ASIC2: variants seen among roughly 807,000 people sequenced by gnomAD.
The protein encoded by ASIC2 is acid-sensing ion channel 2.
A neutral mutation model predicts 57.3 loss-of-function variants in ASIC2; 25 were observed. The observed-to-expected ratio is 0.44, with a 90% CI of 0.32 to 0.61. The LOEUF (loss-of-function observed/expected upper bound fraction) is 0.61. Ranked by LOEUF, ASIC2 falls within the 20% of genes least tolerant of loss-of-function variation. ASIC2 has a pLI of 0.06. For missense variants in ASIC2, 641 were observed against 738.1 expected (o/e 0.87, Z 1.52); for synonymous variants, 319 against 307.5 (o/e 1.04, Z -0.39).
intron 1 of ASIC2, among the ~76,000 whole-genome samples, chr17:33,669,353 C>T (rs183099768): frequency 4.5e-4 from 68 of 152,282 alleles, no homozygotes; most frequent in Middle Eastern, 3.4e-3. Context: ...CTCATTTTCA[C>T]ATGAGCAAAG....
At chr17:33,114,011 A>G (rs1355117652) in intron 1 of ASIC2, among the ~76,000 whole-genome samples, 1 of 152,178 alleles carries the variant, frequency 6.6e-6, no homozygotes, top group Non-Finnish European at 1.5e-5. Context: ...TATTCCTACT[A>G]TGTGCAAGGA....
chr17:33,951,471 C>A (rs1351290753), intron 1 of ASIC2, among the ~76,000 whole-genome samples: 4 of 152,174 alleles, frequency 2.6e-5, no homozygotes, highest in Non-Finnish European at 5.9e-5. Flanking sequence ...GGCCAATTTC[C>A]ATTTTCAGCT....
chr17:33,093,430 G>A (rs2092165398), intron 2 of ASIC2, among the ~76,000 whole-genome samples: 1 of 142,856 alleles, frequency 7.0e-6, no homozygotes, highest in East Asian at 1.9e-4. Context: ...AGGACAGAAA[G>A]AGAGAGAGAG....
chr17:34,027,987 C>T (rs191405102), intron 1 of ASIC2, among the ~76,000 whole-genome samples: 77 of 152,318 alleles, frequency 5.1e-4, no homozygotes, highest in Admixed American at 4.9e-3. Context: ...ATCTTACAGA[C>T]AGCCCAGGGC....
intron 1 of ASIC2, among the ~76,000 whole-genome samples, chr17:33,433,609 G>T (rs55970441): frequency 0.35 from 52,854 of 151,834 alleles, 9,276 homozygotes; most frequent in Middle Eastern, 0.43. Flanking sequence ...AATTAGTGGG[G>T]CGTGGTGGTG....
chr17:33,700,526 C>T (rs939513325), intron 1 of ASIC2, among the ~76,000 whole-genome samples: 2 of 152,132 alleles, frequency 1.3e-5, no homozygotes, highest in Admixed American at 6.5e-5. Context: ...CAAGAGCCCC[C>T]AGTGCTTCAG....
chr17:34,021,104 G>T (rs147346355), intron 1 of ASIC2, among the ~76,000 whole-genome samples: 2 of 152,054 alleles, frequency 1.3e-5, no homozygotes, highest in African/African-American at 4.8e-5. Context: ...GGCTGGGAGG[G>T]TGTCAAGGGA....
rs139866494 is a variant in ASIC2 at position 33,446,411 on chromosome 17, C to T, written c.556-334344G>A. ...CAGCCTCTGTGGCTCATTTCTATAG[C>T]AAAGATACAAGAATCCTCAGGCCAT... On this transcript the variant is annotated intron_variant, in intron 1 of 9. Transcript: ENST00000359872. 2.7e-4 allele frequency among the ~76,000 whole-genome samples: 41 copies of T among 152,196 alleles called. No individual in the cohort carries two copies. The East Asian group carries it at 6.8e-3, about 25-fold the overall frequency.
intron 1 of ASIC2, among the ~76,000 whole-genome samples, chr17:33,511,924 C>T (rs184684102): frequency 1.3e-5 from 2 of 152,332 alleles, no homozygotes; most frequent in East Asian, 3.9e-4. Context: ...GGAAGCAGCT[C>T]ATGTGGTAAT....
chr17:33,585,347 G>C (rs1299600496), intron 1 of ASIC2, among the ~76,000 whole-genome samples: 1 of 152,188 alleles, frequency 6.6e-6, no homozygotes, highest in Non-Finnish European at 1.5e-5. Context: ...GTCTCTGAAG[G>C]ATGGGATCTC....
At chr17:33,705,615 A>G (rs1908839369) in intron 1 of ASIC2, among the ~76,000 whole-genome samples, 1 of 152,216 alleles carries the variant, frequency 6.6e-6, no homozygotes, top group Non-Finnish European at 1.5e-5. Flanking sequence ...CTTGAAGATT[A>G]GAATGATGTG....
At chr17:33,109,900 C>A (rs2092249853) in intron 2 of ASIC2, among the ~76,000 whole-genome samples, 1 of 152,172 alleles carries the variant, frequency 6.6e-6, no homozygotes, top group Non-Finnish European at 1.5e-5. Context: ...CCTGCTCTGA[C>A]CATCTGTGGC....
intron 1 of ASIC2, among the ~76,000 whole-genome samples, chr17:33,344,722 C>T (rs1738262563): frequency 6.6e-6 from 1 of 152,132 alleles, no homozygotes; most frequent in African/African-American, 2.4e-5. Context: ...ACCCTGCTCA[C>T]ACATTTTTTC....
intron 1 of ASIC2, chr17:33,794,047 A>T (rs1190495661): frequency 6.6e-6 from 1 of 152,166 alleles, no homozygotes; most frequent in Non-Finnish European, 1.5e-5. Flanking sequence ...GGCTGAGGAA[A>T]ATTAGGCTAA....
At chr17:34,038,734 G>T in intron 1 of ASIC2, 1 of 1,606,448 alleles carries the variant, frequency 6.2e-7, no homozygotes, top group South Asian at 1.1e-5. Context: ...CTTGTTCATG[G>T]TATTCTTTTA....
chr17:34,014,983 C>G (rs964049975), intron 1 of ASIC2, among the ~76,000 whole-genome samples: 25 of 150,550 alleles, frequency 1.7e-4, no homozygotes, highest in Middle Eastern at 3.5e-3. Context: ...CTCACAGGCT[C>G]AAACAATCCT....
chr17:33,662,488 G>GA (rs1271416133), intron 1 of ASIC2, among the ~76,000 whole-genome samples: 6 of 143,704 alleles, frequency 4.2e-5, no homozygotes, highest in Admixed American at 2.7e-4. Context: ...AGGTGTGGTG[G>GA]GGGGGGCACC....
At chr17:33,945,754 C>G (rs1463368470) in intron 1 of ASIC2, among the ~76,000 whole-genome samples, 2 of 152,092 alleles carry the variant, frequency 1.3e-5, no homozygotes, top group Non-Finnish European at 2.9e-5. Flanking sequence ...ACTCAGCTCC[C>G]CACAAAAATA....
At chr17:33,885,793 G>GT (rs761056733) in intron 1 of ASIC2, among the ~76,000 whole-genome samples, 13 of 152,200 alleles carry the variant, frequency 8.5e-5, no homozygotes, top group Non-Finnish European at 1.5e-4. Context: ...GGATTTATCA[G>GT]TTTTTCTTCT....
Sources: gnomAD v4.1 joint callset for allele counts (sites outside exome capture counted in the v4.1 genomes callset) on GRCh38, gnomAD v4.1.1 for gene constraint, MANE v1.5 for transcripts, NCBI Gene and HGNC (gene_info 2026-07-23, HGNC 2026-07-21) for gene names.